The following PCDHGB2 variants were observed in gnomAD, a reference collection of about 807,000 sequenced individuals.
PCDHGB2 encodes the protein protocadherin gamma-B2.
In PCDHGB2, 55 loss-of-function variants were observed where a neutral mutation model predicts 59.3. The ratio of observed to expected loss-of-function variants is 0.93; its 90% confidence interval spans 0.75 to 1.16. PCDHGB2 has a LOEUF of 1.16. Among genes scored for constraint, PCDHGB2 ranks in the 50% most tolerant of loss-of-function variants. The probability of loss-of-function intolerance (pLI) is 0.00; values close to 1 mark genes in which losing one functional copy is unlikely to be tolerated. For synonymous variants in PCDHGB2, 516 were observed against 512.0 expected, an observed-to-expected ratio of 1.01 and a Z score of -0.11; for missense variants, 1,228 against 1,198.5, an observed-to-expected ratio of 1.02 and a Z score of -0.36.
At chr5:141,509,574 G>A (rs554778751) in intron 3 of PCDHGB2, among the ~76,000 whole-genome samples, 7 of 152,182 alleles carry the variant, frequency 4.6e-5, no homozygotes, top group Non-Finnish European at 5.9e-5. Flanking sequence ...TTCACAGTGC[G>A]TACAAATCAG....
At chr5:141,419,849 T>C in intron 1 of PCDHGB2, 1 of 1,614,040 alleles carries the variant, frequency 6.2e-7, no homozygotes, top group East Asian at 2.2e-5. Context: ...GCACCTGGTG[T>C]TCGCAGATAG....
At position 141,485,731 on chromosome 5, in the gene PCDHGB2, C is replaced by G; in HGVS notation, c.2422-9076C>G. 6.2e-7 allele frequency: 1 copy of G among 1,614,152 alleles called. No homozygotes were observed. Among genetic ancestry groups the G allele is most frequent in the Non-Finnish European group, 8.5e-7 (1 of 1,180,022 alleles). ...TTGCACTGGATGTGAAGAAGCGCAG[C>G]GACGGCAGCCTGGTCCCAGAGCTGC... On this transcript the variant is annotated intron_variant, in intron 1 of 3. Transcript: ENST00000522605. The surrounding 1 kb of genome is among the most constrained non-coding windows in gnomAD (Gnocchi z 5.7).
At chr5:141,370,759 T>C in intron 1 of PCDHGB2, 3 of 1,614,022 alleles carry the variant, frequency 1.9e-6, no homozygotes, top group Non-Finnish European at 1.7e-6. Flanking sequence ...GTAACTGTGC[T>C]GATCCAGGAT....
intron 1 of PCDHGB2, among the ~76,000 whole-genome samples, chr5:141,456,940 G>A (rs1284610928): frequency 6.6e-6 from 1 of 152,138 alleles, no homozygotes; most frequent in Non-Finnish European, 1.5e-5. Context: ...TCCAGCCTGG[G>A]CAACAGAGCA....
At chr5:141,464,116 T>A (rs1195883274) in intron 1 of PCDHGB2, among the ~76,000 whole-genome samples, 1 of 151,922 alleles carries the variant, frequency 6.6e-6, no homozygotes, top group African/African-American at 2.4e-5. Context: ...AATACAAAAA[T>A]TAGCTGGGTG....
chr5:141,392,706 C>T (rs2092579718), intron 1 of PCDHGB2: 1 of 1,289,828 alleles, frequency 7.8e-7, no homozygotes, highest in South Asian at 1.6e-5. Flanking sequence ...TGTTTGGAGG[C>T]ACTCCAGGTT....
intron 1 of PCDHGB2, among the ~76,000 whole-genome samples, chr5:141,448,813 C>T (rs1020956433): frequency 2.0e-5 from 3 of 151,800 alleles, no homozygotes; most frequent in Admixed American, 1.3e-4. Context: ...GGCGTGATGG[C>T]GGGCGCCTGT....
chr5:141,389,146 C>T (rs567517174), intron 1 of PCDHGB2: 17 of 1,613,996 alleles, frequency 1.1e-5, no homozygotes, highest in East Asian at 2.2e-5. Context: ...ATAACCGTTA[C>T]GGCAACAGAT....
chr5:141,458,694 C>T (rs905547768), intron 1 of PCDHGB2, among the ~76,000 whole-genome samples: 3 of 152,018 alleles, frequency 2.0e-5, no homozygotes, highest in Non-Finnish European at 2.9e-5. Flanking sequence ...CTCAGCCTCC[C>T]GAGTAGCTGG....
chr5:141,384,784 G>T, intron 1 of PCDHGB2: 1 of 1,613,618 alleles, frequency 6.2e-7, no homozygotes, highest in Non-Finnish European at 8.5e-7. Flanking sequence ...GGTGCGCACG[G>T]CTCGGGCCCT....
intron 1 of PCDHGB2, chr5:141,403,166 A>G (rs907710099): frequency 1.2e-6 from 2 of 1,614,002 alleles, no homozygotes; most frequent in Non-Finnish European, 1.7e-6. Flanking sequence ...TAGAGGTAGG[A>G]CGCAGCTTTT....
intron 2 of PCDHGB2, among the ~76,000 whole-genome samples, chr5:141,498,338 G>T (rs2237079): frequency 2.6e-5 from 4 of 151,600 alleles, no homozygotes; most frequent in Non-Finnish European, 5.9e-5. Flanking sequence ...CATTCCAAAT[G>T]GGAAAAGCCT....
chr5:141,376,111 C>T (rs1772297221), intron 1 of PCDHGB2: 1 of 1,613,704 alleles, frequency 6.2e-7, no homozygotes, highest in Admixed American at 1.7e-5. Flanking sequence ...CCGACCTGGG[C>T]AGCCTCGAGC....
At chr5:141,427,857 G>A (rs746661329) in intron 1 of PCDHGB2, 36 of 1,554,574 alleles carry the variant, frequency 2.3e-5, no homozygotes, top group Non-Finnish European at 2.9e-5. Context: ...GCAGCTGTGC[G>A]CCTTCGAGCT....
chr5:141,372,282 CG>C (rs1768601013), intron 1 of PCDHGB2: 1 of 1,613,084 alleles, frequency 6.2e-7, no homozygotes, highest in African/African-American at 1.3e-5. Context: ...GCGCACGGCG[CG>C]TACCTTGGGC....
rs149553852 is a variant in PCDHGB2 at position 141,415,009 on chromosome 5, C to G, written c.2421+52453C>G. 3.1e-6 allele frequency: 5 copies of G among 1,613,544 alleles called. No homozygotes were observed. The East Asian group carries it at 1.1e-4, about 36-fold the overall frequency. On this transcript the variant is annotated intron_variant, in intron 1 of 3. Transcript: ENST00000522605. The stretch of plus-strand genomic sequence containing the variant: ...CCAGAACGCCTGGCTGTCCTACCGT[C>G]TGCTCAAGGCCAGCGAGCCGGGACT...
At chr5:141,413,089 C>A in intron 1 of PCDHGB2, 1 of 1,401,120 alleles carries the variant, frequency 7.1e-7, no homozygotes, top group Non-Finnish European at 9.7e-7. Context: ...TACAGAGACA[C>A]CCTGAAGCCA....
chr5:141,462,262 A>G (rs2099035971), intron 1 of PCDHGB2, among the ~76,000 whole-genome samples: 1 of 152,192 alleles, frequency 6.6e-6, no homozygotes, highest in African/African-American at 2.4e-5. Flanking sequence ...GACCAGCCTA[A>G]AGTGTATTGT....
intron 1 of PCDHGB2, among the ~76,000 whole-genome samples, chr5:141,467,727 T>C (rs1562013145): frequency 6.6e-6 from 1 of 152,046 alleles, no homozygotes; most frequent in African/African-American, 2.4e-5. Flanking sequence ...AGTGGCACAA[T>C]CCCAGCTCGC....
Sources: gnomAD v4.1 joint callset for allele counts (sites outside exome capture counted in the v4.1 genomes callset) on GRCh38, gnomAD v4.1.1 for gene constraint, Gnocchi (gnomAD v3.1) non-coding constraint, MANE v1.5 for transcripts, NCBI Gene and HGNC (gene_info 2026-07-23, HGNC 2026-07-21) for gene names.